Variants in MAPKAP1 observed in about 807,000 individuals in gnomAD.
The protein encoded by MAPKAP1 is target of rapamycin complex 2 subunit MAPKAP1.
A neutral mutation model predicts 65.7 loss-of-function variants in MAPKAP1; 20 were observed. The ratio of observed to expected loss-of-function variants is 0.30; its 90% CI spans 0.21 to 0.44. MAPKAP1 has a LOEUF of 0.44. Ranked by LOEUF, MAPKAP1 falls within the 20% of genes least tolerant of loss-of-function variation. The pLI, the probability that MAPKAP1 is intolerant of heterozygous loss-of-function variation, is 1.00. For synonymous variants in MAPKAP1, 222 were observed against 244.3 expected, an observed-to-expected ratio of 0.91 and a Z score of 0.85; for missense variants, 423 against 648.0, an observed-to-expected ratio of 0.65 and a Z score of 3.77.
chr9:125,600,897 A>G (rs1238931423), intron 4 of MAPKAP1, among the ~76,000 whole-genome samples: 1 of 152,246 alleles, frequency 6.6e-6, no homozygotes, highest in Admixed American at 6.5e-5. Flanking sequence ...TGATGATATT[A>G]TCAGGGAAAG....
intron 4 of MAPKAP1, among the ~76,000 whole-genome samples, chr9:125,604,216 A>G (rs1299894921): frequency 6.6e-6 from 1 of 152,236 alleles, no homozygotes; most frequent in Non-Finnish European, 1.5e-5. Flanking sequence ...TATACAAAGC[A>G]TAACAAAGTA....
chr9:125,591,698 G>A (rs1831969918), intron 4 of MAPKAP1, among the ~76,000 whole-genome samples: 1 of 152,070 alleles, frequency 6.6e-6, no homozygotes, highest in Non-Finnish European at 1.5e-5. Flanking sequence ...AAAGCTCAAG[G>A]TGGTGGCAGT....
chr9:125,516,602 G>A (rs1020834947), intron 7 of MAPKAP1, among the ~76,000 whole-genome samples: 3 of 152,214 alleles, frequency 2.0e-5, no homozygotes, highest in South Asian at 2.1e-4. Context: ...TGTTTGGTGT[G>A]AGACAGAACT....
intron 10 of MAPKAP1, among the ~76,000 whole-genome samples, chr9:125,464,841 C>T (rs1853620766): frequency 6.6e-6 from 1 of 152,208 alleles, no homozygotes. Flanking sequence ...GATATGGCAT[C>T]AATTAAACTT....
intron 4 of MAPKAP1, among the ~76,000 whole-genome samples, chr9:125,586,010 G>A (rs1004571349): frequency 6.6e-6 from 1 of 152,162 alleles, no homozygotes; most frequent in African/African-American, 2.4e-5. Context: ...TTCATGTTTG[G>A]TGTTAGGAGG....
chr9:125,453,206 A>G (rs2132948897), intron 10 of MAPKAP1, among the ~76,000 whole-genome samples: 1 of 152,300 alleles, frequency 6.6e-6, no homozygotes, highest in African/African-American at 2.4e-5. Flanking sequence ...ACAGGGGTGC[A>G]ACACCAGGCC....
At chr9:125,521,943 T>C (rs972837328) in intron 7 of MAPKAP1, among the ~76,000 whole-genome samples, 1 of 152,272 alleles carries the variant, frequency 6.6e-6, no homozygotes, top group African/African-American at 2.4e-5. Flanking sequence ...CATTCAAATC[T>C]GCTTATGTCA....
At chr9:125,586,279 C>T (rs1831782217) in intron 4 of MAPKAP1, among the ~76,000 whole-genome samples, 1 of 152,164 alleles carries the variant, frequency 6.6e-6, no homozygotes, top group Admixed American at 6.5e-5. Flanking sequence ...ATTGCCCTAA[C>T]CACCAACCCC....
chr9:125,597,240 G>C (rs1282811469), intron 4 of MAPKAP1, among the ~76,000 whole-genome samples: 3 of 131,102 alleles, frequency 2.3e-5, no homozygotes, highest in African/African-American at 5.9e-5. Flanking sequence ...ACTCCAGCCT[G>C]GACGACAGAG....
intron 7 of MAPKAP1, among the ~76,000 whole-genome samples, chr9:125,512,272 G>A (rs1829323274): frequency 6.6e-6 from 1 of 152,230 alleles, no homozygotes; most frequent in African/African-American, 2.4e-5. Flanking sequence ...ATTGCTCTGT[G>A]TCTTCTTTCT....
At chr9:125,602,713 C>G (rs934476931) in intron 4 of MAPKAP1, among the ~76,000 whole-genome samples, 30 of 152,064 alleles carry the variant, frequency 2.0e-4, no homozygotes, top group African/African-American at 7.2e-4. Flanking sequence ...CTATCAGGGT[C>G]CAAGCACTTT....
rs993191354 is a variant in MAPKAP1 at position 125,559,722 on chromosome 9, G to A, written c.759C>T (p.Pro253=). Residue 253 remains proline, a synonymous_variant, in exon 6 of 12, where the codon CCC becomes CCT. Coordinates refer to ENST00000265960, the MANE Select transcript of MAPKAP1 (RefSeq NM_001006617.3). ...AAGTACTGAAGCCAAACTTATGAAT[G>A]GGCTCATTGGAATCCAGCGGGGGGA... is the stretch of plus-strand genomic sequence containing the variant. ...TDFPPLDSNE[P]IHKFGFSTLA... is the part of the protein sequence containing the mutation. The A allele has an allele frequency of 1.9e-6, 3 of 1,613,892 alleles. No individual in the cohort carries two copies. The African/African-American group carries it at 4.0e-5, about 22-fold the overall frequency.
chr9:125,516,166 T>C (rs985605608), intron 7 of MAPKAP1, among the ~76,000 whole-genome samples: 5 of 152,174 alleles, frequency 3.3e-5, no homozygotes, highest in African/African-American at 9.7e-5. Flanking sequence ...ACAAATCACT[T>C]TCAAACCACT....
chr9:125,460,256 A>G (rs185157548), intron 10 of MAPKAP1, among the ~76,000 whole-genome samples: 12 of 152,312 alleles, frequency 7.9e-5, no homozygotes, highest in South Asian at 2.1e-4. Flanking sequence ...CATAAAGCCC[A>G]AGTCAACAAT....
intron 1 of MAPKAP1, among the ~76,000 whole-genome samples, chr9:125,676,924 G>A (rs895948242): frequency 3.3e-5 from 5 of 152,108 alleles, no homozygotes; most frequent in African/African-American, 1.2e-4. Flanking sequence ...TGTACTTTGT[G>A]TATTATGACT....
intron 8 of MAPKAP1, among the ~76,000 whole-genome samples, chr9:125,494,846 C>T (rs911504366): frequency 1.3e-5 from 2 of 152,212 alleles, no homozygotes; most frequent in Admixed American, 1.3e-4. Context: ...GCACTCTTTT[C>T]TACCCTTCAC....
Position 125,554,882 on chromosome 9 carries a change from T to C in MAPKAP1, c.848+4751A>G, listed in dbSNP as rs144010922. ...TGTGGGGGGACACATTATAAATCAA[T>C]TGGCCCACTAAAATAATGGACGAGT... On this transcript the variant is annotated intron_variant, in intron 6 of 11. Coordinates refer to ENST00000265960, the MANE Select transcript of MAPKAP1 (RefSeq NM_001006617.3). Among the ~76,000 whole-genome samples the C allele has an allele frequency of 1.6e-4, 24 of 150,776 alleles. No homozygotes were observed. The East Asian group carries it at 4.3e-3, about 27-fold the overall frequency.
chr9:125,647,976 C>A (rs1008889423), intron 4 of MAPKAP1, among the ~76,000 whole-genome samples: 2 of 145,518 alleles, frequency 1.4e-5, no homozygotes, highest in African/African-American at 2.6e-5. Context: ...TTAAGGCTAA[C>A]AAGATGCAGT....
chr9:125,540,323 TTTA>T (rs762575458), intron 7 of MAPKAP1, among the ~76,000 whole-genome samples: 45 of 152,200 alleles, frequency 3.0e-4, no homozygotes, highest in Non-Finnish European at 5.7e-4. Context: ...AAGTTCTAAA[TTTA>T]TTATTATTAT....
Sources: gnomAD v4.1 joint callset for allele counts (sites outside exome capture counted in the v4.1 genomes callset) on GRCh38, gnomAD v4.1.1 for gene constraint, MANE v1.5 for transcripts, NCBI Gene and HGNC (gene_info 2026-07-23, HGNC 2026-07-21) for gene names.